Variants in NUP54 observed in about 807,000 individuals in gnomAD.
The protein encoded by NUP54 is nucleoporin 54.
NUP54 carries 27 observed loss-of-function variants against 66.4 expected under a neutral mutation model. That is an observed-to-expected ratio of 0.41 (90% CI 0.30 to 0.56). The LOEUF is 0.56. Among genes scored for constraint, NUP54 ranks in the 20% least tolerant of loss-of-function variants. The probability of loss-of-function intolerance (pLI) is 0.34; values close to 1 mark genes in which losing one functional copy is unlikely to be tolerated. For synonymous variants in NUP54, 206 were observed against 210.7 expected (o/e 0.98, Z 0.19); for missense variants, 486 against 596.3 (o/e 0.82, Z 1.93).
intron 8 of NUP54, among the ~76,000 whole-genome samples, chr4:76,125,340 ACACACACACACG>A (rs1386845398): frequency 1.3e-5 from 2 of 148,786 alleles, no homozygotes; most frequent in African/African-American, 5.0e-5. Context: ...ACACACACAC[ACACACACACACG>A]GCTGGGCACA....
intron 3 of NUP54, 124 bp from the exon 4 acceptor site, chr4:76,136,536 A>G: frequency 3.0e-6 from 2 of 656,370 alleles, no homozygotes; most frequent in Non-Finnish European, 5.2e-6. Context: ...TACAGAACCT[A>G]TAAATATGTT....
chr4:76,131,274 A>C lies in NUP54; in HGVS notation c.918T>G (p.Pro306=). The stretch of plus-strand genomic sequence containing the variant: ...CTACCTTGGCCTGTTCCCAGATAAT[A>C]GGATCAACACCTACCACAAATAAAA... ...LLQNPPAGVD[P]IIWEQAKVDN... Residue 306 remains proline, a synonymous_variant, in exon 7 of 12, where the codon CCT becomes CCG. Coordinates refer to ENST00000264883, the MANE Select transcript of NUP54 (RefSeq NM_017426.4). 1 of 1,586,228 alleles carries C rather than the reference A, an allele frequency of 6.3e-7. No homozygotes were observed. The highest frequency in any genetic ancestry group is 8.6e-7 in the Non-Finnish European group (1 of 1,159,918).
intron 11 of NUP54, among the ~76,000 whole-genome samples, chr4:76,116,570 T>G (rs1017648915): frequency 6.6e-6 from 1 of 152,162 alleles, no homozygotes; most frequent in African/African-American, 2.4e-5. Flanking sequence ...AGAAAAGTGG[T>G]TGGAGGTTCT....
intron 9 of NUP54, among the ~76,000 whole-genome samples, chr4:76,124,046 ATCT>A (rs1395283943): frequency 3.3e-5 from 5 of 152,022 alleles, no homozygotes; most frequent in Admixed American, 2.6e-4. Context: ...CTTTTGGCTT[ATCT>A]TGATATTCCT....
chr4:76,134,766 G>A (rs973701589), intron 4 of NUP54, among the ~76,000 whole-genome samples: 4 of 151,988 alleles, frequency 2.6e-5, no homozygotes, highest in Admixed American at 2.0e-4. Context: ...ATTTTATAGG[G>A]TGTGAAAGCA....
chr4:76,116,107 A>G (rs912689838), intron 11 of NUP54, among the ~76,000 whole-genome samples: 2 of 152,220 alleles, frequency 1.3e-5, no homozygotes, highest in Non-Finnish European at 2.9e-5. Context: ...TTCAATCCCA[A>G]AACAATACAC....
At chr4:76,130,944 A>T in intron 7 of NUP54, 195 bp from the exon 8 acceptor site, 1 of 608,194 alleles carries the variant, frequency 1.6e-6, no homozygotes, top group Non-Finnish European at 2.9e-6. Flanking sequence ...GAGGAAATAC[A>T]GTTCAGTCAA....
intron 8 of NUP54, among the ~76,000 whole-genome samples, chr4:76,127,349 G>A (rs1256420982): frequency 2.7e-5 from 4 of 145,456 alleles, no homozygotes; most frequent in South Asian, 2.3e-4. Context: ...GAACAATGGC[G>A]TGAACCCAGG....
At chr4:76,144,713 T>A (rs1731412950) in intron 1 of NUP54, among the ~76,000 whole-genome samples, 1 of 152,136 alleles carries the variant, frequency 6.6e-6, no homozygotes, top group Admixed American at 6.6e-5. Flanking sequence ...TATATACCCT[T>A]CAATTAAAGG....
chr4:76,127,553 G>T (rs1730598742), intron 8 of NUP54, among the ~76,000 whole-genome samples: 1 of 151,660 alleles, frequency 6.6e-6, no homozygotes, highest in Admixed American at 6.6e-5. Flanking sequence ...AACGTGAAAG[G>T]TTAAACTCTA....
intron 3 of NUP54, among the ~76,000 whole-genome samples, chr4:76,142,969 A>G (rs1480632961): frequency 2.6e-5 from 4 of 152,206 alleles, no homozygotes; most frequent in Non-Finnish European, 5.9e-5. Context: ...TTCTCCTCAC[A>G]GAAGTATTTC....
At chr4:76,134,888 C>T (rs1730966750) in intron 4 of NUP54, among the ~76,000 whole-genome samples, 1 of 151,610 alleles carries the variant, frequency 6.6e-6, no homozygotes, top group Middle Eastern at 3.2e-3. Context: ...ATTATTCTGC[C>T]CAATTGTACA....
In NUP54 at chr4:76,144,396, T is replaced by C; in HGVS notation, c.145A>G (p.Thr49Ala). ...ACTTAAGATGGCCTCTTACCAGTAG[T>C]GCCTGTGTTAGTTGGGGCAGAAAAG... The part of the protein sequence containing the change: ...FSFSAPTNTG[T>A]TGLFGGTQNK... Residue 49 changes from threonine to alanine, a missense_variant, in exon 2 of 12, where the codon ACT becomes GCT. Transcript: ENST00000264883. 1.9e-6 allele frequency: 3 copies of C among 1,608,400 alleles called. No individual in the cohort carries two copies. The highest frequency in any genetic ancestry group is 2.5e-6 in the Non-Finnish European group (3 of 1,178,612).
chr4:76,145,174 C>T (rs1052065194), intron 1 of NUP54, among the ~76,000 whole-genome samples: 10 of 151,616 alleles, frequency 6.6e-5, no homozygotes, highest in Admixed American at 1.3e-4. Context: ...AAAAATTAGC[C>T]GGGCGTGGCG....
intron 11 of NUP54, among the ~76,000 whole-genome samples, chr4:76,116,090 AC>A (rs1729939272): frequency 6.6e-6 from 1 of 152,220 alleles, no homozygotes; most frequent in African/African-American, 2.4e-5. Flanking sequence ...TAGATGGTGA[AC>A]CATGATTCAA....
chr4:76,127,432 C>CAAA (rs59383944), intron 8 of NUP54, among the ~76,000 whole-genome samples: 9,443 of 54,586 alleles, frequency 0.17, 816 homozygotes, highest in East Asian at 0.38. Context: ...ACCCCCATCT[C>CAAA]AAAAAAAAAA....
intron 8 of NUP54, among the ~76,000 whole-genome samples, chr4:76,128,396 G>GAA (rs5859495): frequency 0.36 from 42,648 of 119,938 alleles, 7,493 homozygotes; most frequent in East Asian, 0.55. Flanking sequence ...AGGAAATGCT[G>GAA]AAAAAAAAAA....
At chr4:76,134,080 T>G in intron 5 of NUP54, 95 bp downstream of exon 5, 1 of 771,248 alleles carries the variant, frequency 1.3e-6, no homozygotes, top group Non-Finnish European at 2.0e-6. Flanking sequence ...GCTCTGAGAG[T>G]TAATTTGTGC....
intron 8 of NUP54, among the ~76,000 whole-genome samples, chr4:76,129,556 C>T (rs1730687048): frequency 6.6e-6 from 1 of 152,078 alleles, no homozygotes; most frequent in African/African-American, 2.4e-5. Context: ...TTCATAGGCT[C>T]CTGGGTTATA....
Sources: gnomAD v4.1 joint callset for allele counts (sites outside exome capture counted in the v4.1 genomes callset) on GRCh38, gnomAD v4.1.1 for gene constraint, MANE v1.5 for transcripts, NCBI Gene and HGNC (gene_info 2026-07-23, HGNC 2026-07-21) for gene names.